Variants in DACH1 observed in about 807,000 individuals in gnomAD.
DACH1 encodes dachshund family transcription factor 1, also known as dachshund homolog 1.
DACH1 carries 12 observed loss-of-function variants against 54.2 expected under a neutral mutation model. The observed-to-expected ratio is 0.22, with a 90% CI of 0.14 to 0.36. The LOEUF (loss-of-function observed/expected upper bound fraction) is 0.36, where lower values mean the gene tolerates loss of function less well. Ranked by LOEUF, DACH1 falls within the 10% of genes least tolerant of loss-of-function variation. The probability of loss-of-function intolerance (pLI) is 1.00; values close to 1 mark genes in which losing one functional copy is unlikely to be tolerated. For synonymous variants in DACH1, 386 were observed against 366.2 expected (o/e 1.05, Z -0.62); for missense variants, 805 against 929.8 (o/e 0.87, Z 1.75).
chr13:71,756,526 A>G (rs992963617), intron 1 of DACH1, among the ~76,000 whole-genome samples: 2 of 148,742 alleles, frequency 1.3e-5, no homozygotes, highest in South Asian at 2.1e-4. Context: ...AAAACAATGA[A>G]AAAAAAAAAC....
At chr13:71,809,725 A>G (rs1389316863) in intron 1 of DACH1, among the ~76,000 whole-genome samples, 4 of 152,230 alleles carry the variant, frequency 2.6e-5, no homozygotes, top group Non-Finnish European at 4.4e-5. Context: ...CTCAAATGAT[A>G]TAATTCTTCA....
At chr13:71,676,700 T>C (rs953618522) in intron 2 of DACH1, among the ~76,000 whole-genome samples, 1 of 152,230 alleles carries the variant, frequency 6.6e-6, no homozygotes, top group African/African-American at 2.4e-5. Flanking sequence ...AGAACATTTT[T>C]CTCTAAATTT....
chr13:71,578,331 C>T (rs1430832363), intron 3 of DACH1, among the ~76,000 whole-genome samples: 1 of 152,122 alleles, frequency 6.6e-6, no homozygotes, highest in African/African-American at 2.4e-5. Context: ...CTTAGAAAGA[C>T]GTCAACTCCA....
intron 10 of DACH1, among the ~76,000 whole-genome samples, chr13:71,450,486 T>C (rs1007512163): frequency 2.6e-4 from 40 of 152,082 alleles, no homozygotes; most frequent in African/African-American, 9.4e-4. Context: ...TCCCATTCCT[T>C]GGGGCTCCCT....
chr13:71,586,475 T>C (rs1016549564), intron 3 of DACH1, among the ~76,000 whole-genome samples: 3 of 152,164 alleles, frequency 2.0e-5, no homozygotes, highest in African/African-American at 7.2e-5. Context: ...TTAAACAGAA[T>C]ATTATACACA....
chr13:71,822,601 T>G (rs1426359913), intron 1 of DACH1, among the ~76,000 whole-genome samples: 1 of 152,210 alleles, frequency 6.6e-6, no homozygotes, highest in Non-Finnish European at 1.5e-5. Flanking sequence ...CAAAAATTTC[T>G]AAAGACAGCT....
rs1566468251 is a variant in DACH1 at position 71,735,532 on chromosome 13, GTATATGGGA to G, written c.849-53631_849-53623del. ...ATATACGTGTATATGGGATATACAC[GTATATGGGA>G]TATACGTGTATATGGGATATACGTG... On this transcript the variant is annotated intron_variant, in intron 1 of 10. Coordinates refer to ENST00000613252, the MANE Select transcript of DACH1 (RefSeq NM_080759.6). Among the ~76,000 whole-genome samples, 25 of 147,026 alleles carry G rather than the reference GTATATGGGA, an allele frequency of 1.7e-4. 1 individual carries two copies. The highest frequency in any genetic ancestry group is 5.7e-4 in the African/African-American group (22 of 38,460).
At chr13:71,605,243 CA>C (rs1439564844) in intron 3 of DACH1, among the ~76,000 whole-genome samples, 1 of 151,802 alleles carries the variant, frequency 6.6e-6, no homozygotes, top group Non-Finnish European at 1.5e-5. Flanking sequence ...TCAATAATTA[CA>C]TTTTTTAAAT....
At chr13:71,747,893 C>T (rs1884669002) in intron 1 of DACH1, among the ~76,000 whole-genome samples, 1 of 152,062 alleles carries the variant, frequency 6.6e-6, no homozygotes, top group Non-Finnish European at 1.5e-5. Flanking sequence ...TGGAGACCAC[C>T]CTGGTCCATT....
At chr13:71,693,296 C>CTGTTTTTTTTT (rs1881619934) in intron 1 of DACH1, among the ~76,000 whole-genome samples, 1 of 90,962 alleles carries the variant, frequency 1.1e-5, no homozygotes, top group African/African-American at 5.2e-5. Flanking sequence ...ATTTGTTTTG[C>CTGTTTTTTTTT]TTTTTTTTTT....
At chr13:71,641,479 G>T (rs1485225571) in intron 2 of DACH1, among the ~76,000 whole-genome samples, 4 of 152,060 alleles carry the variant, frequency 2.6e-5, no homozygotes, top group Non-Finnish European at 5.9e-5. Context: ...CAACCTACAA[G>T]GTAAGTGTTT....
intron 1 of DACH1, among the ~76,000 whole-genome samples, chr13:71,847,150 G>T (rs969804913): frequency 6.6e-6 from 1 of 151,970 alleles, no homozygotes. Flanking sequence ...ACTACCATTA[G>T]CATATGGGAA....
At chr13:71,768,992 T>C (rs916747788) in intron 1 of DACH1, among the ~76,000 whole-genome samples, 2 of 151,880 alleles carry the variant, frequency 1.3e-5, no homozygotes, top group Non-Finnish European at 3.0e-5. Flanking sequence ...AAAAGTTAAT[T>C]AGTTTCTATG....
intron 6 of DACH1, among the ~76,000 whole-genome samples, chr13:71,537,134 T>C (rs906006300): frequency 6.6e-6 from 1 of 152,090 alleles, no homozygotes; most frequent in African/African-American, 2.4e-5. Context: ...TTAATCTTTA[T>C]GCTCTGGCCA....
chr13:71,504,062 C>T (rs553793291), intron 6 of DACH1, among the ~76,000 whole-genome samples: 2 of 152,106 alleles, frequency 1.3e-5, no homozygotes, highest in African/African-American at 4.8e-5. Context: ...TGGACCTCTA[C>T]TATATATAAG....
chr13:71,767,999 C>T (rs1360769135), intron 1 of DACH1, among the ~76,000 whole-genome samples: 4 of 151,866 alleles, frequency 2.6e-5, no homozygotes, highest in Non-Finnish European at 4.4e-5. Flanking sequence ...TTAATTTTTA[C>T]GTATTGAATT....
intron 1 of DACH1, among the ~76,000 whole-genome samples, chr13:71,864,469 C>A (rs186565005): frequency 6.6e-6 from 1 of 152,152 alleles, no homozygotes; most frequent in Admixed American, 6.5e-5. Flanking sequence ...TCCTTTCCAC[C>A]TAAGTTTCCC....
intron 3 of DACH1, among the ~76,000 whole-genome samples, chr13:71,624,990 A>G (rs931327368): frequency 6.6e-6 from 1 of 151,896 alleles, no homozygotes; most frequent in Non-Finnish European, 1.5e-5. Context: ...AAATTGCTAT[A>G]CCTGCCCATC....
At chr13:71,563,870 T>C (rs1884746393) in intron 4 of DACH1, among the ~76,000 whole-genome samples, 1 of 151,716 alleles carries the variant, frequency 6.6e-6, no homozygotes. Flanking sequence ...TGCAAGTGTT[T>C]ATGATTTAAA....
Sources: allele counts gnomAD v4.1 joint callset (sites outside exome capture counted in the v4.1 genomes callset), GRCh38; gene constraint gnomAD v4.1.1; transcripts MANE v1.5; gene names NCBI Gene and HGNC (gene_info 2026-07-23, HGNC 2026-07-21).